The following PLPP3 variants were observed in gnomAD, a reference collection of about 807,000 sequenced individuals.
The protein encoded by PLPP3 is phospholipid phosphatase 3, also known as PAP2 beta.
In PLPP3, 6 loss-of-function variants were observed where a neutral mutation model predicts 29.6. That is an observed-to-expected ratio of 0.20 (90% CI 0.11 to 0.40). PLPP3 has a LOEUF of 0.40. PLPP3 is among the 10% of genes least tolerant of loss of function. The probability of loss-of-function intolerance (pLI) is 1.00; values close to 1 mark genes in which losing one functional copy is unlikely to be tolerated. For synonymous variants in PLPP3, 152 were observed against 159.7 expected (o/e 0.95, Z 0.36); for missense variants, 308 against 407.7 (o/e 0.76, Z 2.11).
chr1:56,534,404 T>A (rs1645909944), intron 2 of PLPP3, among the ~76,000 whole-genome samples: 1 of 152,158 alleles, frequency 6.6e-6, no homozygotes, highest in Non-Finnish European at 1.5e-5. Context: ...ACTGGTCTCC[T>A]CCACTGCCAT....
chr1:56,568,194 T>A (rs1173790675), intron 1 of PLPP3, among the ~76,000 whole-genome samples: 1 of 152,058 alleles, frequency 6.6e-6, no homozygotes, highest in East Asian at 1.9e-4. Context: ...TTTGCAGTGA[T>A]GAAATGTTCT....
chr1:56,501,881 G>A (rs577619866), intron 5 of PLPP3, among the ~76,000 whole-genome samples: 1 of 152,352 alleles, frequency 6.6e-6, no homozygotes, highest in South Asian at 2.1e-4. Flanking sequence ...GCTGATGGGA[G>A]TTTTCTATAG....
At chr1:56,551,869 G>C (rs1011835195) in intron 1 of PLPP3, among the ~76,000 whole-genome samples, 1 of 152,190 alleles carries the variant, frequency 6.6e-6, no homozygotes, top group Admixed American at 6.5e-5. Flanking sequence ...GGGTTTTTCT[G>C]TGTGTGGTTT....
chr1:56,571,991 T>C (rs1196526651), intron 1 of PLPP3, among the ~76,000 whole-genome samples: 1 of 148,952 alleles, frequency 6.7e-6, no homozygotes, highest in Non-Finnish European at 1.5e-5. Context: ...CCTCAGCAAA[T>C]ACAGAGGGTC....
intron 1 of PLPP3, among the ~76,000 whole-genome samples, chr1:56,565,361 CACAA>C (rs1420811587): frequency 1.3e-5 from 2 of 150,434 alleles, no homozygotes; most frequent in East Asian, 2.0e-4. Flanking sequence ...CAAAAAGGGT[CACAA>C]ACAGAGTGAC....
In PLPP3 at chr1:56,579,488, C is replaced by T. The variant is rs937749203; in HGVS notation, c.-472G>A. 2.8e-5 allele frequency: 5 copies of T among 181,276 alleles called. No homozygotes were observed. The highest frequency in any genetic ancestry group is 9.6e-5 in the African/African-American group (4 of 41,600). 11.2% of individuals were successfully genotyped at this position (181,276 alleles called of 1,614,324 possible). A position where few individuals can be genotyped will look rare whatever the true frequency, so the allele number is the denominator to read the frequency against. ...TTGCCTCCTCCTCCTCCTCCTCCTCCGGCTCCTCCTGCTCCTCCTGCTGTT... is the reference window on the plus strand; with the variant it reads ...TTGCCTCCTCCTCCTCCTCCTCCTCTGGCTCCTCCTGCTCCTCCTGCTGTT... On this transcript the variant is annotated 5_prime_UTR_variant, in exon 1 of 6. Coordinates refer to ENST00000371250, the MANE Select transcript of PLPP3 (RefSeq NM_003713.5).
intron 4 of PLPP3, among the ~76,000 whole-genome samples, chr1:56,521,075 A>C (rs1645816234): frequency 6.6e-6 from 1 of 151,742 alleles, no homozygotes. Context: ...CTCTACAAAA[A>C]AATACAAAAA....
chr1:56,507,212 G>A (rs1045045419), intron 5 of PLPP3, among the ~76,000 whole-genome samples: 2 of 152,186 alleles, frequency 1.3e-5, no homozygotes, highest in Non-Finnish European at 2.9e-5. Flanking sequence ...TATGGAACCA[G>A]CATTCTAGGG....
In PLPP3 at chr1:56,524,806, A is replaced by ATGTGTG. The variant is rs3835682; in HGVS notation, c.298-258_298-253dup. ...AATATATTTATATGTATATATGTGTATGTGTGTGTGTGTGTGTGTGTGTGT... is the reference window on the plus strand; with the variant it reads ...AATATATTTATATGTATATATGTGTATGTGTGTGTGTGTGTGTGTGTGTGTGTGTGT... On this transcript the variant is annotated intron_variant, in intron 2 of 5. Coordinates refer to ENST00000371250, the MANE Select transcript of PLPP3 (RefSeq NM_003713.5). This position sits in a 1 kb window ranked among gnomAD's most constrained non-coding sequence, Gnocchi z 4.3. Among the ~76,000 whole-genome samples the ATGTGTG allele has an allele frequency of 2.0e-4, 29 of 148,258 alleles. No individual in the cohort carries two copies. The highest frequency in any genetic ancestry group is 7.0e-4 in the African/African-American group (28 of 40,272).
At position 56,501,995 on chromosome 1, in the gene PLPP3, G is replaced by A. The variant is rs1402314565; in HGVS notation, c.811-5319C>T. The stretch of plus-strand genomic sequence containing the variant: ...AGATGCTTCCGATGTCTTACTGCCA[G>A]CATTCACACTCCGGAAATGTCAGCC... On this transcript the variant is annotated intron_variant, in intron 5 of 5. Transcript: ENST00000371250. Among the ~76,000 whole-genome samples the A allele has an allele frequency of 4.6e-5, 7 of 152,206 alleles. No homozygotes were observed. The East Asian group carries it at 1.3e-3, about 29-fold the overall frequency.
chr1:56,498,425 C>T (rs1288501998), intron 5 of PLPP3, among the ~76,000 whole-genome samples: 1 of 151,544 alleles, frequency 6.6e-6, no homozygotes, highest in East Asian at 1.9e-4. Context: ...AACTTTTCAA[C>T]TCTTCTCCGC....
chr1:56,514,826 G>C (rs1645770219), intron 4 of PLPP3, among the ~76,000 whole-genome samples: 1 of 152,112 alleles, frequency 6.6e-6, no homozygotes, highest in South Asian at 2.1e-4. Context: ...GCAAGACTGG[G>C]TCACTATAGG....
intron 1 of PLPP3, among the ~76,000 whole-genome samples, chr1:56,541,128 C>CTA (rs1446236245): frequency 1.3e-5 from 2 of 152,220 alleles, no homozygotes; most frequent in East Asian, 3.9e-4. Flanking sequence ...GACACAAAGA[C>CTA]TATTCTACTA....
intron 4 of PLPP3, among the ~76,000 whole-genome samples, chr1:56,519,954 T>C (rs1645807945): frequency 6.6e-6 from 1 of 152,178 alleles, no homozygotes; most frequent in African/African-American, 2.4e-5. Context: ...GGAGTGGAGC[T>C]GGCTGGTGCT....
At chr1:56,529,858 C>G (rs1645876119) in intron 2 of PLPP3, among the ~76,000 whole-genome samples, 1 of 151,998 alleles carries the variant, frequency 6.6e-6, no homozygotes, top group South Asian at 2.1e-4. Flanking sequence ...TAAGTCAGAA[C>G]TCCAATATCT....
chr1:56,511,949 G>T (rs772978948), intron 5 of PLPP3, 27 bp downstream of exon 5: 7 of 1,611,860 alleles, frequency 4.3e-6, no homozygotes, highest in Middle Eastern at 1.6e-4. Flanking sequence ...GGCTCCACTT[G>T]CATATTGAGG....
At chr1:56,552,145 C>T (rs948191547) in intron 1 of PLPP3, among the ~76,000 whole-genome samples, 3 of 151,656 alleles carry the variant, frequency 2.0e-5, no homozygotes, top group Admixed American at 2.0e-4. Flanking sequence ...TTCATGTCTG[C>T]CTCCTAAATG....
rs1366733347 is a variant in PLPP3 at position 56,495,312 on chromosome 1, A to C, written c.*1239T>G. On this transcript the variant is annotated 3_prime_UTR_variant, in exon 6 of 6. Coordinates refer to ENST00000371250, the MANE Select transcript of PLPP3 (RefSeq NM_003713.5). ...CTCCTTTCCTCAAAGGTTCAGTAGA[A>C]GGGGTCCCTGTCTATCACCTAGAGT... 1 of 152,602 alleles carries C rather than the reference A, an allele frequency of 6.6e-6. No individual in the cohort carries two copies. Among genetic ancestry groups the C allele is most frequent in the Non-Finnish European group, 1.5e-5 (1 of 68,048 alleles). The allele number at this position is 152,602 out of a possible 1,614,324, so 9.5% of individuals were successfully genotyped here.
chr1:56,524,883 C>T lies in PLPP3; in HGVS notation c.298-329G>A, dbSNP rs1318180705. On this transcript the variant is annotated intron_variant, in intron 2 of 5. Transcript: ENST00000371250. The surrounding 1 kb of genome is among the most constrained non-coding windows in gnomAD (Gnocchi z 4.3). ...AGAACTTAACTATAGAAAAGAAATA[C>T]TAAATGAAGAATCAACGACAAGGTA... Among the ~76,000 whole-genome samples the T allele has an allele frequency of 6.6e-5, 10 of 150,958 alleles. No individual in the cohort carries two copies. In the East Asian group the frequency reaches 1.8e-3, roughly 27 times the overall value.
Sources: gnomAD v4.1 joint callset for allele counts (sites outside exome capture counted in the v4.1 genomes callset) on GRCh38, gnomAD v4.1.1 for gene constraint, Gnocchi (gnomAD v3.1) non-coding constraint, MANE v1.5 for transcripts, NCBI Gene and HGNC (gene_info 2026-07-23, HGNC 2026-07-21) for gene names.